The following MAGED1 variants were observed in gnomAD, a reference collection of about 807,000 sequenced individuals.
MAGED1 encodes melanoma-associated antigen D1.
In MAGED1, 3 loss-of-function variants were observed where a neutral mutation model predicts 54.1. The observed-to-expected ratio is 0.06, with a 90% CI of 0.03 to 0.14. The LOEUF is 0.14. MAGED1 is among the 10% of genes least tolerant of loss of function. The pLI is 1.00. For synonymous variants in MAGED1, 217 were observed against 227.3 expected (o/e 0.95, Z 0.41); for missense variants, 485 against 623.4 (o/e 0.78, Z 2.36).
At chrX:51,835,135 T>G (rs187008124) in intron 1 of MAGED1, among the ~76,000 whole-genome samples, 1 of 111,836 alleles carries the variant, frequency 8.9e-6, no homozygotes, top group African/African-American at 3.2e-5. Flanking sequence ...GTGGGAAGGT[T>G]ATACAGATGC....
intron 1 of MAGED1, among the ~76,000 whole-genome samples, chrX:51,887,221 A>G (rs1170733468): frequency 8.9e-6 from 1 of 112,005 alleles, no homozygotes; most frequent in African/African-American, 3.2e-5. Flanking sequence ...ATATCGTCAC[A>G]TTCATGGATT....
At chrX:51,805,960 CTTTTCTTTTTTTTTTT>C (rs1925011475) in intron 1 of MAGED1, among the ~76,000 whole-genome samples, 1 of 56,225 alleles carries the variant, frequency 1.8e-5, no homozygotes, top group Admixed American at 2.4e-4. Flanking sequence ...ATTTTCTTTT[CTTTTCTTTTTTTTTTT>C]TTTTTTTTTT....
intron 1 of MAGED1, among the ~76,000 whole-genome samples, chrX:51,824,868 G>C (rs1602216181): frequency 1.0e-5 from 1 of 98,845 alleles, no homozygotes; most frequent in East Asian, 3.4e-4. Flanking sequence ...AAACCTGTGT[G>C]TGTGTGTGTG....
chrX:51,897,216 G>A lies in MAGED1; in HGVS notation c.1431G>A (p.Lys477=), dbSNP rs1557364425. ...DVALLQERAN[K]LVKYLMLKDY... ...TCCTTTTTCCCTCCCAGGCAAATAA[G>A]TTGGTCAAGTACTTGATGCTTAAGG... Residue 477 remains lysine (K), a synonymous_variant, in exon 5 of 13, where the codon AAG becomes AAA. Transcript: ENST00000326587. 2.5e-6 allele frequency: 3 copies of A among 1,208,087 alleles called. No homozygotes were observed. Among genetic ancestry groups the A allele is most frequent in the Non-Finnish European group, 3.4e-6 (3 of 894,605 alleles).
chrX:51,843,326 G>A (rs1274737650), intron 1 of MAGED1, among the ~76,000 whole-genome samples: 2 of 111,909 alleles, frequency 1.8e-5, no homozygotes, highest in Admixed American at 9.5e-5. Flanking sequence ...TTTGAAATGA[G>A]GGGATTATCC....
chrX:51,828,374 T>C (rs1175579014), intron 1 of MAGED1, among the ~76,000 whole-genome samples: 2 of 111,713 alleles, frequency 1.8e-5, no homozygotes, highest in Non-Finnish European at 3.8e-5. Flanking sequence ...ACCTCCTAGA[T>C]TGATTAAGAA....
At chrX:51,860,148 C>T (rs956246688) in intron 1 of MAGED1, among the ~76,000 whole-genome samples, 1 of 109,742 alleles carries the variant, frequency 9.1e-6, no homozygotes. Flanking sequence ...ATCTGTAGTC[C>T]CAGCTACTTG....
intron 2 of MAGED1, chrX:51,894,629 T>C (rs782786032): frequency 1.7e-6 from 2 of 1,187,513 alleles, no homozygotes; most frequent in South Asian, 1.9e-5. Context: ...TTTTCCAGAA[T>C]CCTGACGCTT....
chrX:51,823,364 G>T (rs782296006), intron 1 of MAGED1, among the ~76,000 whole-genome samples: 1 of 111,937 alleles, frequency 8.9e-6, no homozygotes, highest in South Asian at 3.7e-4. Context: ...GCAGCTTAAA[G>T]ATTGCAAAAT....
intron 1 of MAGED1, among the ~76,000 whole-genome samples, chrX:51,850,342 C>T (rs1159512646): frequency 8.9e-6 from 1 of 112,326 alleles, no homozygotes; most frequent in Admixed American, 9.4e-5. Context: ...TCCAACAGAA[C>T]TTAACAAAAG....
intron 1 of MAGED1, among the ~76,000 whole-genome samples, chrX:51,826,286 T>G (rs1284497597): frequency 8.9e-6 from 1 of 112,193 alleles, no homozygotes; most frequent in Non-Finnish European, 1.9e-5. Context: ...AAGTTTGGTG[T>G]TGTATCTAAA....
chrX:51,863,118 T>C (rs1741548446), intron 1 of MAGED1, among the ~76,000 whole-genome samples: 1 of 111,932 alleles, frequency 8.9e-6, no homozygotes. Context: ...TCTCTCCACT[T>C]CCCCCACACA....
At chrX:51,851,974 T>C (rs1569555756) in intron 1 of MAGED1, among the ~76,000 whole-genome samples, 1 of 112,017 alleles carries the variant, frequency 8.9e-6, no homozygotes, top group Non-Finnish European at 1.9e-5. Flanking sequence ...TAGTAAATTA[T>C]GACAAACGTA....
chrX:51,838,152 C>T (rs1283074740), intron 1 of MAGED1, among the ~76,000 whole-genome samples: 8 of 112,310 alleles, frequency 7.1e-5, no homozygotes, highest in African/African-American at 9.7e-5. Context: ...TACTACTTTC[C>T]GCTGTCTCAG....
intron 1 of MAGED1, among the ~76,000 whole-genome samples, chrX:51,838,033 G>A (rs1926314754): frequency 8.9e-6 from 1 of 112,345 alleles, no homozygotes; most frequent in African/African-American, 3.2e-5. Flanking sequence ...GAGTAAAATT[G>A]TAGCCCTCTT....
chrX:51,811,292 C>T (rs1174168395), intron 1 of MAGED1, among the ~76,000 whole-genome samples: 1 of 112,066 alleles, frequency 8.9e-6, no homozygotes, highest in Non-Finnish European at 1.9e-5. Flanking sequence ...CCCTTACATA[C>T]TCACAAGGCA....
At position 51,895,270 on chromosome X, in the gene MAGED1, C is replaced by A. The variant is rs1928688598; in HGVS notation, c.263C>A (p.Pro88Gln). 3.3e-6 allele frequency: 4 copies of A among 1,211,199 alleles called. No homozygotes were observed. The East Asian group carries it at 1.2e-4, about 36-fold the overall frequency. ...GTCCAGAATGCCACCACAAAAGGCC[C>A]AAATGGTGTCTATGATTTCTCTCAG... is the stretch of plus-strand genomic sequence containing the variant. The part of the protein sequence containing the change: ...FKVQNATTKG[P>Q]NGVYDFSQAH... The change falls in exon 3 of 13, where the codon CCA (proline) becomes CAA (glutamine). Residue 88 changes from proline to glutamine, a missense_variant. By Grantham distance (76) the Pro-to-Gln change is moderately conservative. Coordinates refer to ENST00000326587, the MANE Select transcript of MAGED1 (RefSeq NM_006986.4).
intron 1 of MAGED1, among the ~76,000 whole-genome samples, chrX:51,866,218 T>A (rs1927454654): frequency 8.9e-6 from 1 of 112,334 alleles, no homozygotes; most frequent in Non-Finnish European, 1.9e-5. Flanking sequence ...TCTTGTCTAA[T>A]AGCTTTGTTT....
upstream of MAGED1, among the ~76,000 whole-genome samples, chrX:51,892,230 T>C (rs1447828646): frequency 8.9e-6 from 1 of 112,972 alleles, no homozygotes; most frequent in African/African-American, 3.2e-5. Flanking sequence ...GCAGCGTGTG[T>C]GTCCTTGGGT....
Sources: allele counts gnomAD v4.1 joint callset (sites outside exome capture counted in the v4.1 genomes callset), GRCh38; gene constraint gnomAD v4.1.1; transcripts MANE v1.5; gene names NCBI Gene and HGNC (gene_info 2026-07-23, HGNC 2026-07-21).